Variants in PDE6A observed in about 807,000 individuals in gnomAD.
PDE6A encodes phosphodiesterase 6A, also known as rod cGMP-specific 3',5'-cyclic phosphodiesterase subunit alpha.
In PDE6A, 84 loss-of-function variants were observed where a neutral mutation model predicts 106.3. That is an observed-to-expected ratio of 0.79 (90% CI 0.66 to 0.95). The LOEUF (loss-of-function observed/expected upper bound fraction) is 0.95. Among genes scored for constraint, PDE6A ranks in the 40% least tolerant of loss-of-function variants. PDE6A has a pLI of 0.00. For synonymous variants in PDE6A, 394 were observed against 386.6 expected (o/e 1.02, Z -0.23); for missense variants, 1,052 against 1,084.9 (o/e 0.97, Z 0.43).
intron 1 of PDE6A, among the ~76,000 whole-genome samples, chr5:149,936,976 C>T (rs925370668): frequency 6.6e-6 from 1 of 152,174 alleles, no homozygotes; most frequent in Non-Finnish European, 1.5e-5. Flanking sequence ...ACCTTACATT[C>T]AAACGGCGAG....
intron 1 of PDE6A, among the ~76,000 whole-genome samples, chr5:149,942,620 G>A (rs987539319): frequency 1.4e-4 from 21 of 152,178 alleles, no homozygotes; most frequent in Middle Eastern, 3.4e-3. Context: ...TGGAGGACCC[G>A]TGCCAGCACT....
intron 1 of PDE6A, among the ~76,000 whole-genome samples, chr5:149,941,932 TC>T (rs1319258182): frequency 6.6e-6 from 1 of 152,180 alleles, no homozygotes; most frequent in Non-Finnish European, 1.5e-5. Flanking sequence ...ATGGTAGCTT[TC>T]CTTTCCTTGC....
At chr5:149,895,335 G>A (rs775971274) in intron 12 of PDE6A, 45 bp from the exon 13 acceptor site, 2 of 1,318,810 alleles carry the variant, frequency 1.5e-6, no homozygotes, top group Non-Finnish European at 1.1e-6. Flanking sequence ...ACCTGAAATG[G>A]TCTCATGAGG....
chr5:149,867,597 A>G, intron 19 of PDE6A, 128 bp downstream of exon 19: 1 of 834,594 alleles, frequency 1.2e-6, no homozygotes, highest in Non-Finnish European at 2.0e-6. Context: ...ACATTTTTAG[A>G]ACCACTGCAT....
In PDE6A at chr5:149,858,816, C is replaced by CTTTTTTTTTTTTTTTT. The variant is rs764134058; in HGVS notation, c.*2078_*2079insAAAAAAAAAAAAAAAA. The CTTTTTTTTTTTTTTTT allele has an allele frequency of 2.5e-5, 2 of 79,148 alleles. No homozygotes were observed. Among genetic ancestry groups the CTTTTTTTTTTTTTTTT allele is most frequent in the African/African-American group, 1.0e-4 (2 of 19,388 alleles). 4.9% of individuals were successfully genotyped at this position (79,148 alleles called of 1,614,324 possible). ...AAGAGAGAAATTCTATCTGCCACAT[C>CTTTTTTTTTTTTTTTT]TTTTTTTTTTCTTTTTTTTTTTTTT... On this transcript the variant is annotated 3_prime_UTR_variant, in exon 22 of 22. Coordinates refer to ENST00000255266, the MANE Select transcript of PDE6A (RefSeq NM_000440.3).
At chr5:149,873,359 T>G in intron 17 of PDE6A, among the ~76,000 whole-genome samples, 1 of 148,576 alleles carries the variant, frequency 6.7e-6, no homozygotes, top group South Asian at 2.2e-4. Context: ...TGAGACCGAG[T>G]CTCACTCTGT....
chr5:149,943,372 T>C (rs556560464), intron 1 of PDE6A, among the ~76,000 whole-genome samples: 1 of 152,328 alleles, frequency 6.6e-6, no homozygotes, highest in Admixed American at 6.5e-5. Flanking sequence ...GGCAGAATAA[T>C]TTTTCTTAGT....
Position 149,868,142 on chromosome 5 carries a change from C to T in PDE6A, c.2152G>A (p.Ala718Thr), listed in dbSNP as rs545847713. ...TTGGTGATGGCTGAGAGATCACAGG[C>T]GGTCATCATCATGGCCCTGGGCACA... ...KEIVMAMMMTACDLSAITKPW... is the reference protein window; with the variant it reads ...KEIVMAMMMTTCDLSAITKPW... Residue 718 changes from alanine (A) to threonine (T), a missense_variant, in exon 18 of 22, where the codon GCC becomes ACC. Ala to Thr is a moderately conservative substitution (Grantham distance 58, BLOSUM62 0). Coordinates refer to ENST00000255266, the MANE Select transcript of PDE6A (RefSeq NM_000440.3). 46 of 1,614,128 alleles carry T rather than the reference C, an allele frequency of 2.8e-5. No homozygotes were observed. The highest frequency in any genetic ancestry group is 1.5e-4 in the South Asian group (14 of 91,088).
intron 17 of PDE6A, among the ~76,000 whole-genome samples, chr5:149,869,415 T>A (rs1414925838): frequency 1.3e-5 from 2 of 151,246 alleles, no homozygotes; most frequent in Non-Finnish European, 1.5e-5. Context: ...TAAGGGAGTG[T>A]CCCACTCATA....
rs369288898 is a variant in PDE6A, at chr5:149,866,265, G to A, written c.2275-12C>T. The stretch of plus-strand genomic sequence containing the variant: ...CTGTCCATCATGGGCTGTCATGGGG[G>A]AGAAAGAGTTAATTGCACTGGACAG... On this transcript the variant is annotated splice_polypyrimidine_tract_variant and intron_variant, in intron 19 of 21. Transcript: ENST00000255266. 35 of 1,602,836 alleles carry A rather than the reference G, an allele frequency of 2.2e-5. No homozygotes were observed. In the African/African-American group the frequency reaches 3.9e-4, roughly 18 times the overall value.
chr5:149,871,600 G>C (rs1486981061), intron 17 of PDE6A, among the ~76,000 whole-genome samples: 3 of 152,076 alleles, frequency 2.0e-5, no homozygotes, highest in Non-Finnish European at 4.4e-5. Flanking sequence ...AAAGGTTGGG[G>C]GAGCTCAGGG....
At chr5:149,899,620 G>C (rs1752894225) in intron 8 of PDE6A, 96 bp from the exon 9 acceptor site, 2 of 1,227,520 alleles carry the variant, frequency 1.6e-6, no homozygotes, top group East Asian at 4.6e-5. Context: ...GATTGGCTGA[G>C]AGGAGGTGGC....
At chr5:149,891,061 T>C (rs2113571313) in intron 13 of PDE6A, among the ~76,000 whole-genome samples, 1 of 152,362 alleles carries the variant, frequency 6.6e-6, no homozygotes, top group Non-Finnish European at 1.5e-5. Context: ...GGCCTCCTCA[T>C]CCTTCTTGAG....
intron 5 of PDE6A, among the ~76,000 whole-genome samples, chr5:149,920,971 A>AAAG (rs1166356294): frequency 1.5e-5 from 2 of 131,312 alleles, no homozygotes; most frequent in African/African-American, 8.0e-5. Flanking sequence ...AGAAAGAAAG[A>AAAG]AAGAAAGAAA....
intron 5 of PDE6A, among the ~76,000 whole-genome samples, chr5:149,916,919 C>G (rs571204837): frequency 1.3e-5 from 2 of 152,104 alleles, no homozygotes; most frequent in Non-Finnish European, 2.9e-5. Context: ...ATCCCTGGGC[C>G]GGTGCCTGTC....
chr5:149,884,306 G>A lies in PDE6A; in HGVS notation c.2027+173C>T, dbSNP rs548500620. On this transcript the variant is annotated intron_variant, in intron 16 of 21. Coordinates refer to ENST00000255266, the MANE Select transcript of PDE6A (RefSeq NM_000440.3). Reference sequence around the variant, plus strand: ...TATATATGTGTATATATGTATATATGTGTATATATGTATATATGTGTATAT... The same window carrying A: ...TATATATGTGTATATATGTATATATATGTATATATGTATATATGTGTATAT... 6.2e-5 allele frequency among the ~76,000 whole-genome samples: 9 copies of A among 144,634 alleles called. No individual in the cohort carries two copies. The South Asian group carries it at 8.6e-4, about 14-fold the overall frequency. The allele number at this position is 144,634 out of a possible 152,430, so 94.9% of individuals were successfully genotyped here.
chr5:149,903,831 C>A lies in PDE6A; in HGVS notation c.1066-136G>T, dbSNP rs113825720. ...ATTCTTTTCATCAGGTAGACATAGTCGAGACAGTTTTCAATTATTCACTGA... is the reference window on the plus strand; with the variant it reads ...ATTCTTTTCATCAGGTAGACATAGTAGAGACAGTTTTCAATTATTCACTGA... On this transcript the variant is annotated intron_variant, in intron 7 of 21. Coordinates refer to ENST00000255266, the MANE Select transcript of PDE6A (RefSeq NM_000440.3). The A allele has an allele frequency of 7.6e-6, 6 of 793,200 alleles. No homozygotes were observed. In the African/African-American group the frequency reaches 8.4e-5, roughly 11 times the overall value. The allele number at this position is 793,200 out of a possible 1,614,324, so 49.1% of individuals were successfully genotyped here.
In PDE6A at chr5:149,880,164, A is replaced by T. The variant is rs544247887; in HGVS notation, c.2135+3265T>A. On this transcript the variant is annotated intron_variant, in intron 17 of 21. Transcript: ENST00000255266. ...GGTTATTCTTGCATACTCATTTCTC[A>T]TAAGAATTTTTCAATCAGCTTCCTA... Among the ~76,000 whole-genome samples, 65 of 152,148 alleles carry T rather than the reference A, an allele frequency of 4.3e-4. 2 individuals carry two copies. The highest frequency in any genetic ancestry group is 6.8e-3 in the Middle Eastern group (2 of 294).
At chr5:149,877,141 T>C (rs1210688185) in intron 17 of PDE6A, among the ~76,000 whole-genome samples, 1 of 152,210 alleles carries the variant, frequency 6.6e-6, no homozygotes, top group Non-Finnish European at 1.5e-5. Context: ...GTGATACATT[T>C]TCTGAAAGAA....
Sources: allele counts gnomAD v4.1 joint callset (sites outside exome capture counted in the v4.1 genomes callset), GRCh38; gene constraint gnomAD v4.1.1; transcripts MANE v1.5; gene names NCBI Gene and HGNC (gene_info 2026-07-23, HGNC 2026-07-21).